Variants in OR52B4 observed in about 807,000 individuals in gnomAD.
OR52B4 encodes olfactory receptor family 52 subfamily B member 4, also known as olfactory receptor 52B4.
For missense variants in OR52B4, 450 were observed against 387.0 expected, an observed-to-expected ratio of 1.16 and a Z score of -1.36; for synonymous variants, 182 against 142.3, an observed-to-expected ratio of 1.28 and a Z score of -1.98.
In OR52B4 at chr11:4,368,376, C is replaced by T. The variant is rs1468022663; in HGVS notation, c.-81G>A. On this transcript the variant is annotated 5_prime_UTR_variant, in exon 1 of 1. Coordinates refer to ENST00000624801, the MANE Select transcript of OR52B4 (RefSeq NM_001005161.3). ...AAATCTGCAACATTCTTTGCGATGT[C>T]ACCAGGAGCTTATGGCATATTCCAT... 4 of 697,574 alleles carry T rather than the reference C, an allele frequency of 5.7e-6. No homozygotes were observed. Among genetic ancestry groups the T allele is most frequent in the African/African-American group, 3.6e-5 (2 of 55,806 alleles). The allele number at this position is 697,574 out of a possible 1,614,324, so 43.2% of individuals were successfully genotyped here.
chr11:4,367,375 C>A lies in OR52B4; in HGVS notation c.921G>T (p.Gln307His), dbSNP rs2133040681. 6.2e-7 allele frequency: 1 copy of A among 1,603,462 alleles called. No individual in the cohort carries two copies. Among genetic ancestry groups the A allele is most frequent in the East Asian group, 2.2e-5 (1 of 44,582 alleles). The part of the protein sequence containing the change: ...KTKQIQEQVV[Q>H]FLFIKQK ...GTTATTTCTGTTTTATAAACAAAAA[C>A]TGAACCACCTGTTCCTGGATTTGCT... The change falls in exon 1 of 1, where the codon CAG becomes CAT. Residue 307 changes from glutamine (Q) to histidine (H), a missense_variant. Transcript: ENST00000624801.
Position 4,367,738 on chromosome 11 carries a change from T to C in OR52B4, c.558A>G (p.Leu186=), listed in dbSNP as rs1564805832. ...GAATGTCATTACATGCATATTTGGC[T>C]AGGCCAATGTGTTCACAAAAGGTGT... ...IPHTFCEHIG[L]AKYACNDIRI... is the part of the protein sequence containing the mutation. Residue 186 remains leucine, a synonymous_variant, in exon 1 of 1, where the codon CTA becomes CTG. Transcript: ENST00000624801. 1 of 1,613,960 alleles carries C rather than the reference T, an allele frequency of 6.2e-7. No individual in the cohort carries two copies. Among genetic ancestry groups the C allele is most frequent in the Non-Finnish European group, 8.5e-7 (1 of 1,179,910 alleles).
Position 4,368,376 on chromosome 11 carries a change from C to A in OR52B4, c.-81G>T. On this transcript the variant is annotated 5_prime_UTR_variant, in exon 1 of 1. Coordinates refer to ENST00000624801, the MANE Select transcript of OR52B4 (RefSeq NM_001005161.3). ...AAATCTGCAACATTCTTTGCGATGT[C>A]ACCAGGAGCTTATGGCATATTCCAT... The A allele has an allele frequency of 1.4e-6, 1 of 697,692 alleles. No homozygotes were observed. Among genetic ancestry groups the A allele is most frequent in the Non-Finnish European group, 2.5e-6 (1 of 406,612 alleles). 43.2% of individuals were successfully genotyped at this position (697,692 alleles called of 1,614,324 possible).
At position 4,367,903 on chromosome 11, in the gene OR52B4, T is replaced by A. The variant is rs1490458667; in HGVS notation, c.393A>T (p.Pro131=). The change falls in exon 1 of 1, where the codon CCA becomes CCT. Residue 131 remains proline, a synonymous_variant. Coordinates refer to ENST00000624801, the MANE Select transcript of OR52B4 (RefSeq NM_001005161.3). ...AFDHYIAICY[P]LRYTTILTNA... The stretch of plus-strand genomic sequence containing the variant: ...TTGTAAGAATGGTGGTGTACCTCAG[T>A]GGGTAGCATATGGCAATATAGTGGT... The A allele has an allele frequency of 1.2e-6, 2 of 1,613,824 alleles. No individual in the cohort carries two copies. The highest frequency in any genetic ancestry group is 2.7e-5 in the African/African-American group (2 of 74,850).
In OR52B4 at chr11:4,368,140, G is replaced by A. The variant is rs2133041354; in HGVS notation, c.156C>T (p.Leu52=). Residue 52 remains leucine (L), a synonymous_variant, in exon 1 of 1, where the codon CTC becomes CTT. Coordinates refer to ENST00000624801, the MANE Select transcript of OR52B4 (RefSeq NM_001005161.3). Reference sequence around the variant, plus strand: ...TGGGTTCATGGAGGCTGCGCTTTGTGAGGATAATGAAGATGAGCAGGCTGT... The same window carrying A: ...TGGGTTCATGGAGGCTGCGCTTTGTAAGGATAATGAAGATGAGCAGGCTGT... ...LGNSLLIFII[L]TKRSLHEPMY... The A allele has an allele frequency of 1.2e-6, 2 of 1,613,560 alleles. No homozygotes were observed. The highest frequency in any genetic ancestry group is 2.2e-5 in the South Asian group (2 of 91,038).
rs762075473 is a variant in OR52B4, at chr11:4,368,159, A to G, written c.137T>C (p.Leu46Pro). ...SYVTALLGNS[L>P]LIFIILTKRS... ...CTTTGTGAGGATAATGAAGATGAGCAGGCTGTTCCCAAGAAGGGCGGTGAC... is the reference window on the plus strand; with the variant it reads ...CTTTGTGAGGATAATGAAGATGAGCGGGCTGTTCCCAAGAAGGGCGGTGAC... Residue 46 changes from leucine to proline, a missense_variant, in exon 1 of 1, where the codon CTG becomes CCG. By Grantham distance (98) the Leu-to-Pro change is moderately conservative. Coordinates refer to ENST00000624801, the MANE Select transcript of OR52B4 (RefSeq NM_001005161.3). The G allele has an allele frequency of 6.2e-7, 1 of 1,601,956 alleles. No homozygotes were observed.
In OR52B4 at chr11:4,367,357, C is replaced by G. The variant is rs748057263; in HGVS notation, c.939G>C (p.Gln313His). 56 of 1,595,742 alleles carry G rather than the reference C, an allele frequency of 3.5e-5. No homozygotes were observed. Among genetic ancestry groups the G allele is most frequent in the Non-Finnish European group, 8.6e-7 (1 of 1,167,126 alleles). The part of the protein sequence containing the change: ...EQVVQFLFIK[Q>H]K ...CTCAGTTCTTAAACCAAAGTTATTT[C>G]TGTTTTATAAACAAAAACTGAACCA... The change falls in exon 1 of 1, where the codon CAG (glutamine) becomes CAC (histidine). Residue 313 changes from glutamine to histidine, a missense_variant. Physicochemically the swap from Gln to His is conservative, Grantham distance 24 (BLOSUM62 0). Transcript: ENST00000624801.
chr11:4,368,217 T>C lies in OR52B4; in HGVS notation c.79A>G (p.Met27Val). 1 of 1,613,920 alleles carries C rather than the reference T, an allele frequency of 6.2e-7. No homozygotes were observed. Among genetic ancestry groups the C allele is most frequent in the Non-Finnish European group, 8.5e-7 (1 of 1,179,884 alleles). Residue 27 changes from methionine (M) to valine (V), a missense_variant, in exon 1 of 1, where the codon ATG becomes GTG. Met to Val is a conservative substitution (Grantham distance 21, BLOSUM62 1). Transcript: ENST00000624801. ...LGIPGLQDQHMWISIPFFISY... is the reference protein window; with the variant it reads ...LGIPGLQDQHVWISIPFFISY... The stretch of plus-strand genomic sequence containing the variant: ...ATGAAGAATGGGATAGAAATCCACA[T>C]GTGCTGGTCCTGTAGGCCAGGGATG...
chr11:4,368,007 C>T lies in OR52B4; in HGVS notation c.289G>A (p.Asp97Asn), dbSNP rs1446047850. 1 of 1,613,978 alleles carries T rather than the reference C, an allele frequency of 6.2e-7. No individual in the cohort carries two copies. ...FWFRAGDISL[D>N]RCITQLFFIH... ...AAGAAGAGCTGAGTGATGCAACGAT[C>T]CAGGGAGATGTCCCCAGCACGGAAC... is the stretch of plus-strand genomic sequence containing the variant. Residue 97 changes from aspartate to asparagine, a missense_variant, in exon 1 of 1, where the codon GAT becomes AAT. Physicochemically the swap from Asp to Asn is conservative, Grantham distance 23 (BLOSUM62 1). Transcript: ENST00000624801.
Position 4,367,324 on chromosome 11 carries a change from T to C in OR52B4, c.*27A>G. ...ACCCACTTACCAGATAGCTAGAGAT[T>C]CTGAAAACTCAGTTCTTAAACCAAA... On this transcript the variant is annotated 3_prime_UTR_variant, in exon 1 of 1. Coordinates refer to ENST00000624801, the MANE Select transcript of OR52B4 (RefSeq NM_001005161.3). The C allele has an allele frequency of 2.1e-6, 3 of 1,450,872 alleles. No individual in the cohort carries two copies. The highest frequency in any genetic ancestry group is 2.4e-5 in the South Asian group (2 of 82,454). The allele number at this position is 1,450,872 out of a possible 1,614,324, so 89.9% of individuals were successfully genotyped here.
In OR52B4 at chr11:4,367,545, T is replaced by G. The variant is rs374643933; in HGVS notation, c.751A>C (p.Ile251Leu). The part of the protein sequence containing the change: ...NTFGSHVCII[I>L]LFYGSGIFTI... ...AAGATGCCAGACCCATAAAAGAGGA[T>G]GATGATGCAGACATGGGAGCCAAAT... The change falls in exon 1 of 1, where the codon ATC becomes CTC. Residue 251 changes from isoleucine (I) to leucine (L), a missense_variant. Transcript: ENST00000624801. 2 of 1,613,952 alleles carry G rather than the reference T, an allele frequency of 1.2e-6. No homozygotes were observed. The highest frequency in any genetic ancestry group is 1.7e-6 in the Non-Finnish European group (2 of 1,179,944).
rs371411378 is a variant in OR52B4 at position 4,368,058 on chromosome 11, T to C, written c.238A>G (p.Ile80Val). The C allele has an allele frequency of 1.1e-5, 17 of 1,613,958 alleles. No individual in the cohort carries two copies. In the African/African-American group the frequency reaches 1.3e-4, roughly 13 times the overall value. ...CAGAAGATAGCTAAGGCCTGAGGAA[T>C]GGTGCACGTGGAGAGGACAATGTCT... Reference protein sequence around the residue: ...GADIVLSTCTIPQALAIFWFR... With the variant: ...GADIVLSTCTVPQALAIFWFR... Residue 80 changes from isoleucine (I) to valine (V), a missense_variant, in exon 1 of 1, where the codon ATT becomes GTT. Transcript: ENST00000624801.
chr11:4,368,229 G>C lies in OR52B4; in HGVS notation c.67C>G (p.Gln23Glu). ...ATAGAAATCCACATGTGCTGGTCCT[G>C]TAGGCCAGGGATGCCCAGCAAGTGG... is the stretch of plus-strand genomic sequence containing the variant. The part of the protein sequence containing the change: ...VFHLLGIPGL[Q>E]DQHMWISIPF... Residue 23 changes from glutamine (Q) to glutamate (E), a missense_variant, in exon 1 of 1, where the codon CAG becomes GAG. By Grantham distance (29) the Gln-to-Glu change is conservative. Coordinates refer to ENST00000624801, the MANE Select transcript of OR52B4 (RefSeq NM_001005161.3). 5.6e-6 allele frequency: 9 copies of C among 1,613,846 alleles called. No individual in the cohort carries two copies. Among genetic ancestry groups the C allele is most frequent in the Non-Finnish European group, 7.6e-6 (9 of 1,179,808 alleles).
At position 4,367,820 on chromosome 11, in the gene OR52B4, A is replaced by C; in HGVS notation, c.476T>G (p.Phe159Cys). 6.2e-7 allele frequency: 1 copy of C among 1,613,808 alleles called. No individual in the cohort carries two copies. Among genetic ancestry groups the C allele is most frequent in the Non-Finnish European group, 8.5e-7 (1 of 1,179,712 alleles). ...TVSLRSYGTI[F>C]PIIFLLKRLT... ...TCTTTTTAAAAGAAATATGATAGGG[A>C]AAATTGTACCATAACTTCTCAGAGA... Residue 159 changes from phenylalanine (F) to cysteine (C), a missense_variant, in exon 1 of 1, where the codon TTC becomes TGC. Phe to Cys is a radical substitution (Grantham distance 205). Transcript: ENST00000624801.
chr11:4,367,725 A>C lies in OR52B4; in HGVS notation c.571T>G (p.Cys191Gly). The C allele has an allele frequency of 6.2e-7, 1 of 1,613,880 alleles. No individual in the cohort carries two copies. Among genetic ancestry groups the C allele is most frequent in the Non-Finnish European group, 8.5e-7 (1 of 1,179,784 alleles). ...CAAATGTTTATTCGAATGTCATTAC[A>C]TGCATATTTGGCTAGGCCAATGTGT... ...CEHIGLAKYA[C>G]NDIRINIWYG... The change falls in exon 1 of 1, where the codon TGT becomes GGT. Residue 191 changes from cysteine to glycine, a missense_variant. By Grantham distance (159) the Cys-to-Gly change is radical. Transcript: ENST00000624801.
rs747907013 is a variant in OR52B4, at chr11:4,367,514, A to T, written c.782T>A (p.Ile261Asn). Residue 261 changes from isoleucine to asparagine, a missense_variant, in exon 1 of 1, where the codon ATC (isoleucine) becomes AAC (asparagine). Coordinates refer to ENST00000624801, the MANE Select transcript of OR52B4 (RefSeq NM_001005161.3). ...GTGGCGTCCAAACCTCTGGGTAAGG[A>T]TTGTGAAGATGCCAGACCCATAAAA... is the stretch of plus-strand genomic sequence containing the variant. ...ILFYGSGIFTILTQRFGRHIP... is the reference protein window; with the variant it reads ...ILFYGSGIFTNLTQRFGRHIP... The T allele has an allele frequency of 6.2e-7, 1 of 1,614,064 alleles. No homozygotes were observed. The highest frequency in any genetic ancestry group is 8.5e-7 in the Non-Finnish European group (1 of 1,179,978).
At position 4,367,335 on chromosome 11, in the gene OR52B4, AG is replaced by A; in HGVS notation, c.*15del. 1 of 1,541,036 alleles carries A rather than the reference AG, an allele frequency of 6.5e-7. No individual in the cohort carries two copies. The highest frequency in any genetic ancestry group is 8.9e-7 in the Non-Finnish European group (1 of 1,123,196). ...AGATAGCTAGAGATTCTGAAAACTC[AG>A]TTCTTAAACCAAAGTTATTTCTGTT... On this transcript the variant is annotated 3_prime_UTR_variant, in exon 1 of 1. Transcript: ENST00000624801.
Position 4,367,608 on chromosome 11 carries a change from T to G in OR52B4, c.688A>C (p.Met230Leu). The G allele has an allele frequency of 6.2e-7, 1 of 1,614,008 alleles. No individual in the cohort carries two copies. Among genetic ancestry groups the G allele is most frequent in the Non-Finnish European group, 8.5e-7 (1 of 1,179,952 alleles). ...TTGTGGCAAGCATCTGGAGAAGGCA[T>G]GTGGAAGACAGCATGGAGAATCAGC... ...YMLILHAVFH[M>L]PSPDACHKAL... The change falls in exon 1 of 1, where the codon ATG (methionine) becomes CTG (leucine). Residue 230 changes from methionine (M) to leucine (L), a missense_variant. Physicochemically the swap from Met to Leu is conservative, Grantham distance 15. Transcript: ENST00000624801.
chr11:4,367,990 C>A lies in OR52B4; in HGVS notation c.306G>T (p.Gln102His). 6.2e-7 allele frequency: 1 copy of A among 1,614,010 alleles called. No homozygotes were observed. The change falls in exon 1 of 1, where the codon CAG (glutamine) becomes CAT (histidine). Residue 102 changes from glutamine (Q) to histidine (H), a missense_variant. Physicochemically the swap from Gln to His is conservative, Grantham distance 24. Transcript: ENST00000624801. ...GDISLDRCITQLFFIHSTFIS... is the reference protein window; with the variant it reads ...GDISLDRCITHLFFIHSTFIS... ...TGAAGGTGGAATGGATGAAGAAGAGCTGAGTGATGCAACGATCCAGGGAGA... is the reference window on the plus strand; with the variant it reads ...TGAAGGTGGAATGGATGAAGAAGAGATGAGTGATGCAACGATCCAGGGAGA...
Sources: gnomAD v4.1 joint callset for allele counts on GRCh38, gnomAD v4.1.1 for gene constraint, MANE v1.5 for transcripts, NCBI Gene and HGNC (gene_info 2026-07-23, HGNC 2026-07-21) for gene names.